VPS13B: variants seen among roughly 807,000 people sequenced by gnomAD.
VPS13B encodes the protein vacuolar protein sorting 13 homolog B.
A neutral mutation model predicts 426.4 loss-of-function variants in VPS13B; 285 were observed. That is an observed-to-expected ratio of 0.67 (90% CI 0.61 to 0.74). The LOEUF is 0.74. VPS13B is among the 30% of genes least tolerant of loss of function. The pLI is 0.00. For missense variants in VPS13B, 4,537 were observed against 4,782.6 expected (o/e 0.95, Z 1.51); for synonymous variants, 1,676 against 1,676.4 (o/e 1.00, Z 0.01).
At chr8:99,748,569 T>G (rs1238135770) in intron 39 of VPS13B, among the ~76,000 whole-genome samples, 1 of 152,066 alleles carries the variant, frequency 6.6e-6, no homozygotes, top group Non-Finnish European at 1.5e-5. Flanking sequence ...AACTATTATA[T>G]GTCATTATTT....
chr8:99,709,997 A>G (rs772479801), intron 36 of VPS13B, among the ~76,000 whole-genome samples: 7 of 152,226 alleles, frequency 4.6e-5, no homozygotes, highest in Non-Finnish European at 1.0e-4. Context: ...CTGATCAGCA[A>G]TTGGGTAAGT....
At position 99,577,089 on chromosome 8, in the gene VPS13B, A is replaced by G. The variant is rs557890314; in HGVS notation, c.5077-401A>G. Among the ~76,000 whole-genome samples the G allele has an allele frequency of 1.3e-3, 200 of 152,228 alleles. 1 individual carries two copies. Among genetic ancestry groups the G allele is most frequent in the Middle Eastern group, 3.4e-3 (1 of 294 alleles). On this transcript the variant is annotated intron_variant, in intron 32 of 61. Coordinates refer to ENST00000357162, the MANE Select transcript of VPS13B (RefSeq NM_152564.5). ...TTTGTGATATTCATAGGACTCTACT[A>G]TCGTACCTAGTACTTAGGAAATGCT...
intron 23 of VPS13B, among the ~76,000 whole-genome samples, chr8:99,448,372 G>C (rs1818031332): frequency 6.6e-6 from 1 of 151,910 alleles, no homozygotes. Context: ...CTACTCTGAG[G>C]AAAAGAGATT....
chr8:99,704,364 T>G (rs1323231312), intron 36 of VPS13B, among the ~76,000 whole-genome samples: 1 of 152,148 alleles, frequency 6.6e-6, no homozygotes, highest in Admixed American at 6.5e-5. Flanking sequence ...AAAGTGGAGC[T>G]CCAACTTTTC....
intron 39 of VPS13B, among the ~76,000 whole-genome samples, chr8:99,732,696 A>T (rs1833656397): frequency 6.6e-6 from 1 of 152,140 alleles, no homozygotes. Flanking sequence ...CAGTAAGAAA[A>T]CTCGCTTTCC....
At chr8:99,257,299 A>G (rs1350055688) in intron 17 of VPS13B, among the ~76,000 whole-genome samples, 1 of 152,188 alleles carries the variant, frequency 6.6e-6, no homozygotes, top group Non-Finnish European at 1.5e-5. Context: ...TGATTGAAGT[A>G]GTAAGATTGG....
At chr8:99,585,594 A>G (rs1167430325) in intron 33 of VPS13B, among the ~76,000 whole-genome samples, 1 of 152,198 alleles carries the variant, frequency 6.6e-6, no homozygotes, top group African/African-American at 2.4e-5. Flanking sequence ...GATTATCTCA[A>G]TAAGTGAAAA....
chr8:99,817,228 G>A lies in VPS13B; in HGVS notation c.8098-312G>A, dbSNP rs116971935. Among the ~76,000 whole-genome samples, 4,543 of 151,484 alleles carry A rather than the reference G, an allele frequency of 0.03. 110 individuals are homozygous for A. Among genetic ancestry groups the A allele is most frequent in the Middle Eastern group, 0.085 (25 of 294 alleles). On this transcript the variant is annotated intron_variant, in intron 44 of 61. Transcript: ENST00000357162. ...TTCAGGTAAACTATCTTCTGCTTGTGCATGTTTGCAAGGCTCTTCTTTCAC... is the reference window on the plus strand; with the variant it reads ...TTCAGGTAAACTATCTTCTGCTTGTACATGTTTGCAAGGCTCTTCTTTCAC...
At chr8:99,310,750 T>C (rs1460824473) in intron 19 of VPS13B, among the ~76,000 whole-genome samples, 1 of 152,194 alleles carries the variant, frequency 6.6e-6, no homozygotes, top group African/African-American at 2.4e-5. Flanking sequence ...TGGAATAGTT[T>C]CAGAAGGAAT....
intron 14 of VPS13B, among the ~76,000 whole-genome samples, chr8:99,148,504 C>A (rs1405915311): frequency 2.0e-5 from 3 of 151,652 alleles, no homozygotes. Flanking sequence ...ATAAAATAAA[C>A]TTAATCTTGA....
intron 17 of VPS13B, among the ~76,000 whole-genome samples, chr8:99,200,876 T>G (rs974261059): frequency 6.6e-6 from 1 of 152,144 alleles, no homozygotes; most frequent in Non-Finnish European, 1.5e-5. Context: ...TTGTCTAATT[T>G]TTTTCATTAC....
At position 99,717,312 on chromosome 8, in the gene VPS13B, A is replaced by G. The variant is rs767897483; in HGVS notation, c.6596A>G (p.Asn2199Ser). Reference sequence around the variant, plus strand: ...GCTAAGTGGTGTAAACACAGCGGGAATCCAGGCCCAGAACAATCCATACCA... The same window carrying G: ...GCTAAGTGGTGTAAACACAGCGGGAGTCCAGGCCCAGAACAATCCATACCA... ...LEAKWCKHSG[N>S]PGPEQSIPKI... The change falls in exon 37 of 62, where the codon AAT (asparagine) becomes AGT (serine). Residue 2199 changes from asparagine to serine, a missense_variant. Coordinates refer to ENST00000357162, the MANE Select transcript of VPS13B (RefSeq NM_152564.5). 1.2e-6 allele frequency: 2 copies of G among 1,614,106 alleles called. No individual in the cohort carries two copies. The highest frequency in any genetic ancestry group is 1.7e-6 in the Non-Finnish European group (2 of 1,179,984).
In VPS13B at chr8:99,875,555, C is replaced by G. The variant is rs763272836; in HGVS notation, c.11883C>G (p.Pro3961=). The change falls in exon 62 of 62, where the codon CCC becomes CCG. Residue 3961 remains proline (P), a synonymous_variant. Transcript: ENST00000357162. ...IPCPVVAAEP[P]PSTVKTYHYL... ...GCCCTGTGGTGGCTGCAGAACCTCCCCCCTCCACTGTTAAAACATACCATT... is the reference window on the plus strand; with the variant it reads ...GCCCTGTGGTGGCTGCAGAACCTCCGCCCTCCACTGTTAAAACATACCATT... 3.3e-5 allele frequency: 54 copies of G among 1,614,022 alleles called. No individual in the cohort carries two copies. The highest frequency in any genetic ancestry group is 4.6e-5 in the Non-Finnish European group (54 of 1,180,034).
intron 19 of VPS13B, among the ~76,000 whole-genome samples, chr8:99,298,776 C>T (rs1032805153): frequency 3.3e-5 from 5 of 152,188 alleles, no homozygotes; most frequent in African/African-American, 1.2e-4. Context: ...TTCTTCATGA[C>T]TTTGGGAGTT....
rs1244238223 is a variant in VPS13B at position 99,456,227 on chromosome 8, G to T, written c.3446-11187G>T. Reference sequence around the variant, plus strand: ...TCTGTCTCCCAGACTGGAGTGTAGTGGCACAATCTCGGCTCACTGCAACCT... The same window carrying T: ...TCTGTCTCCCAGACTGGAGTGTAGTTGCACAATCTCGGCTCACTGCAACCT... On this transcript the variant is annotated intron_variant, in intron 23 of 61. Transcript: ENST00000357162. Among the ~76,000 whole-genome samples the T allele has an allele frequency of 2.0e-5, 3 of 152,062 alleles. No homozygotes were observed. The East Asian group carries it at 5.8e-4, about 29-fold the overall frequency.
At chr8:99,072,227 C>A (rs75083247) in intron 3 of VPS13B, among the ~76,000 whole-genome samples, 2 of 152,144 alleles carry the variant, frequency 1.3e-5, no homozygotes, top group Admixed American at 1.3e-4. Flanking sequence ...ACCCCTAGAC[C>A]CACGGTGAGT....
At chr8:99,429,541 C>G (rs1052304409) in intron 21 of VPS13B, 45 of 152,106 alleles carry the variant, frequency 3.0e-4, no homozygotes, top group African/African-American at 1.1e-3. Flanking sequence ...ACTAAGTTTC[C>G]TTTCTTCTCA....
At chr8:99,273,280 T>G (rs1818696234) in intron 17 of VPS13B, among the ~76,000 whole-genome samples, 2 of 150,586 alleles carry the variant, frequency 1.3e-5, no homozygotes, top group South Asian at 4.3e-4. Flanking sequence ...TGCCTCAGCC[T>G]CCCGAGCAGC....
intron 23 of VPS13B, among the ~76,000 whole-genome samples, chr8:99,463,447 T>G (rs186534620): frequency 1.3e-4 from 20 of 152,332 alleles, no homozygotes; most frequent in African/African-American, 4.6e-4. Context: ...ATTATTACAT[T>G]TTGTACATGC....
Sources: allele counts gnomAD v4.1 joint callset (sites outside exome capture counted in the v4.1 genomes callset), GRCh38; gene constraint gnomAD v4.1.1; transcripts MANE v1.5; gene names NCBI Gene and HGNC (gene_info 2026-07-23, HGNC 2026-07-21).